NKAIN3: variants seen among roughly 807,000 people sequenced by gnomAD.
NKAIN3 encodes sodium/potassium-transporting ATPase subunit beta-1-interacting protein 3.
In NKAIN3, 25 loss-of-function variants were observed where a neutral mutation model predicts 30.2. That is an observed-to-expected ratio of 0.83 (90% CI 0.60 to 1.16). The LOEUF (loss-of-function observed/expected upper bound fraction) is 1.16, where lower values mean the gene tolerates loss of function less well. Ranked by LOEUF, NKAIN3 falls within the 50% of genes most tolerant of loss-of-function variation. The pLI, the probability that NKAIN3 is intolerant of heterozygous loss-of-function variation, is 0.00. For missense variants in NKAIN3, 225 were observed against 254.1 expected (o/e 0.89, Z 0.78); for synonymous variants, 91 against 89.6 (o/e 1.02, Z -0.09).
intron 1 of NKAIN3, among the ~76,000 whole-genome samples, chr8:62,537,256 A>G (rs543759098): frequency 2.7e-4 from 41 of 152,336 alleles, no homozygotes; most frequent in African/African-American, 8.7e-4. Context: ...CTCAGGAACA[A>G]CAGTGTAGTT....
At chr8:62,383,506 C>T in intron 1 of NKAIN3, 1 of 455,464 alleles carries the variant, frequency 2.2e-6, no homozygotes, top group Non-Finnish European at 4.4e-6. Context: ...AAAACCTGTT[C>T]AGGCAGATCT....
Position 62,869,908 on chromosome 8 carries a change from T to C in NKAIN3, c.472-48545T>C, listed in dbSNP as rs561951845. Among the ~76,000 whole-genome samples the C allele has an allele frequency of 7.9e-5, 12 of 152,226 alleles. No homozygotes were observed. In the South Asian group the frequency reaches 2.3e-3, roughly 29 times the overall value. The stretch of plus-strand genomic sequence containing the variant: ...TCAGCCCCCCCGAAGTGGCTGGGAC[T>C]ACAGGCACTCGCCACCACGCCCAGC... On this transcript the variant is annotated intron_variant, in intron 4 of 6. Transcript: ENST00000623646.
At chr8:62,933,781 G>C (rs540112533) in intron 5 of NKAIN3, among the ~76,000 whole-genome samples, 1 of 152,154 alleles carries the variant, frequency 6.6e-6, no homozygotes. Context: ...AAATAGAAAA[G>C]GTAGGTGTTT....
chr8:62,807,010 G>A (rs1462394747), intron 4 of NKAIN3, among the ~76,000 whole-genome samples: 2 of 151,826 alleles, frequency 1.3e-5, no homozygotes, highest in Admixed American at 6.6e-5. Context: ...ATCATAACTA[G>A]AATATTTCCT....
intron 1 of NKAIN3, among the ~76,000 whole-genome samples, chr8:62,405,702 A>T (rs907741729): frequency 1.2e-4 from 18 of 152,294 alleles, no homozygotes; most frequent in African/African-American, 4.3e-4. Context: ...GATGTGAGCT[A>T]AAACCAGGTA....
intron 4 of NKAIN3, chr8:62,855,560 A>G: frequency 6.4e-7 from 1 of 1,553,040 alleles, no homozygotes; most frequent in Non-Finnish European, 8.9e-7. Context: ...CAGGGAGTCC[A>G]ATCTTTTATT....
chr8:62,265,693 A>C lies in NKAIN3; in HGVS notation c.54+16566A>C, dbSNP rs538443518. On this transcript the variant is annotated intron_variant, in intron 1 of 6. Coordinates refer to ENST00000623646, the MANE Select transcript of NKAIN3 (RefSeq NM_001304533.3). ...AAGTAGAATCGCTGGAAAGCTCTGC[A>C]TGGTGAAAACTTTTTGGCTGTATTT... is the stretch of plus-strand genomic sequence containing the variant. Among the ~76,000 whole-genome samples the C allele has an allele frequency of 5.9e-5, 9 of 152,314 alleles. No individual in the cohort carries two copies. In the South Asian group the frequency reaches 1.9e-3, roughly 32 times the overall value.
At chr8:62,627,521 A>G (rs904435505) in intron 3 of NKAIN3, among the ~76,000 whole-genome samples, 5 of 152,042 alleles carry the variant, frequency 3.3e-5, no homozygotes, top group African/African-American at 1.2e-4. Flanking sequence ...TGGGATGGGA[A>G]AGGGTCCAGA....
chr8:62,249,449 T>G (rs1319308075), intron 1 of NKAIN3, among the ~76,000 whole-genome samples: 1 of 152,240 alleles, frequency 6.6e-6, no homozygotes, highest in Non-Finnish European at 1.5e-5. Context: ...CGCCCCTTGA[T>G]CCGATACCTG....
At chr8:62,480,480 A>T (rs893067754) in intron 1 of NKAIN3, among the ~76,000 whole-genome samples, 63 of 151,278 alleles carry the variant, frequency 4.2e-4, no homozygotes, top group African/African-American at 1.5e-3. Flanking sequence ...GGTCAGGGGG[A>T]AAGTAATGAA....
chr8:62,611,172 T>C (rs557720221), intron 3 of NKAIN3, among the ~76,000 whole-genome samples: 1 of 152,082 alleles, frequency 6.6e-6, no homozygotes, highest in African/African-American at 2.4e-5. Context: ...ATTTCTTTTT[T>C]AAAAAAATGT....
chr8:62,412,543 T>C (rs1804276803), intron 1 of NKAIN3, among the ~76,000 whole-genome samples: 1 of 152,098 alleles, frequency 6.6e-6, no homozygotes, highest in Non-Finnish European at 1.5e-5. Context: ...CCAAACTATG[T>C]ATCCAACAAA....
At chr8:62,371,929 C>T (rs1816920134) in intron 1 of NKAIN3, among the ~76,000 whole-genome samples, 1 of 151,896 alleles carries the variant, frequency 6.6e-6, no homozygotes, top group Non-Finnish European at 1.5e-5. Flanking sequence ...ACAGAGAAGT[C>T]TCCATTTACC....
chr8:62,856,666 G>A, intron 4 of NKAIN3: 1 of 770,260 alleles, frequency 1.3e-6, no homozygotes, highest in Non-Finnish European at 2.4e-6. Flanking sequence ...ACTTCACTGA[G>A]TGAGTCATCA....
At chr8:62,728,906 C>T (rs1255400848) in intron 3 of NKAIN3, among the ~76,000 whole-genome samples, 20 of 150,992 alleles carry the variant, frequency 1.3e-4, no homozygotes, top group Middle Eastern at 3.4e-3. Flanking sequence ...AGGAGAATGG[C>T]GTGAACCCGG....
chr8:62,785,685 T>C (rs1465567433), intron 4 of NKAIN3, among the ~76,000 whole-genome samples: 5 of 152,124 alleles, frequency 3.3e-5, no homozygotes, highest in Non-Finnish European at 7.4e-5. Context: ...CATCCAGAAA[T>C]ACAGTCTTTC....
intron 3 of NKAIN3, among the ~76,000 whole-genome samples, chr8:62,620,402 A>G (rs1185030138): frequency 6.6e-6 from 1 of 152,180 alleles, no homozygotes; most frequent in Non-Finnish European, 1.5e-5. Context: ...TCAGCTTAAC[A>G]GATCCAATAT....
Position 62,848,301 on chromosome 8 carries a change from G to A in NKAIN3, c.472-70152G>A, listed in dbSNP as rs528919452. Among the ~76,000 whole-genome samples the A allele has an allele frequency of 4.6e-5, 7 of 152,136 alleles. No individual in the cohort carries two copies. In the South Asian group the frequency reaches 6.2e-4, roughly 14 times the overall value. On this transcript the variant is annotated intron_variant, in intron 4 of 6. Coordinates refer to ENST00000623646, the MANE Select transcript of NKAIN3 (RefSeq NM_001304533.3). Reference sequence around the variant, plus strand: ...TTTTCACGATATTGATTCTATCCACGAGCATGGAATGTTTTTCCATTTATT... The same window carrying A: ...TTTTCACGATATTGATTCTATCCACAAGCATGGAATGTTTTTCCATTTATT...
rs184203203 is a variant in NKAIN3 at position 62,744,622 on chromosome 8, T to C, written c.274-2310T>C. Reference sequence around the variant, plus strand: ...GAAATAATGTATAGTTCTTCTGTAATGAGCACATCTAACTGTAAGAAATTA... The same window carrying C: ...GAAATAATGTATAGTTCTTCTGTAACGAGCACATCTAACTGTAAGAAATTA... On this transcript the variant is annotated intron_variant, in intron 3 of 6. Transcript: ENST00000623646. Among the ~76,000 whole-genome samples, 419 of 152,320 alleles carry C rather than the reference T, an allele frequency of 2.8e-3. 2 individuals carry two copies. The highest frequency in any genetic ancestry group is 9.7e-3 in the African/African-American group (404 of 41,578).
Sources: allele counts gnomAD v4.1 joint callset (sites outside exome capture counted in the v4.1 genomes callset), GRCh38; gene constraint gnomAD v4.1.1; transcripts MANE v1.5; gene names NCBI Gene and HGNC (gene_info 2026-07-23, HGNC 2026-07-21).